The following COL19A1 variants were observed in gnomAD, a reference collection of about 807,000 sequenced individuals.
COL19A1 encodes collagen alpha-1(XIX) chain.
COL19A1 carries 159 observed loss-of-function variants against 190.2 expected under a neutral mutation model. The observed-to-expected ratio is 0.84, with a 90% CI of 0.73 to 0.95. The LOEUF (loss-of-function observed/expected upper bound fraction) is 0.95. Ranked by LOEUF, COL19A1 falls within the 40% of genes least tolerant of loss-of-function variation. The pLI is 0.00. For synonymous variants in COL19A1, 509 were observed against 458.9 expected, an observed-to-expected ratio of 1.11 and a Z score of -1.39; for missense variants, 1,418 against 1,431.9, an observed-to-expected ratio of 0.99 and a Z score of 0.16.
intron 11 of COL19A1, among the ~76,000 whole-genome samples, chr6:69,974,818 T>A (rs2150058627): frequency 7.1e-6 from 1 of 141,738 alleles, no homozygotes; most frequent in Non-Finnish European, 1.5e-5. Context: ...TTTTTTTTTT[T>A]TTTTTTTTTT....
At chr6:70,038,237 T>G (rs186135428) in intron 14 of COL19A1, among the ~76,000 whole-genome samples, 2 of 152,222 alleles carry the variant, frequency 1.3e-5, no homozygotes, top group African/African-American at 4.8e-5. Flanking sequence ...CAAAACTAGC[T>G]CCACGCTAAA....
intron 14 of COL19A1, among the ~76,000 whole-genome samples, chr6:70,049,675 T>A (rs1488522838): frequency 6.6e-6 from 1 of 152,010 alleles, no homozygotes; most frequent in African/African-American, 2.4e-5. Flanking sequence ...TTCCTAAAAG[T>A]GCTATGCATT....
intron 9 of COL19A1, among the ~76,000 whole-genome samples, chr6:69,952,001 T>G (rs1774154009): frequency 1.3e-5 from 2 of 151,878 alleles, no homozygotes; most frequent in Admixed American, 1.3e-4. Context: ...TTTGTTTGCC[T>G]GCCAGTTTAG....
intron 17 of COL19A1, among the ~76,000 whole-genome samples, chr6:70,129,718 G>A (rs6929338): frequency 0.019 from 2,826 of 152,280 alleles, 88 homozygotes; most frequent in African/African-American, 0.065. Context: ...TAAAATAAGT[G>A]GTGCCTGAGA....
chr6:70,026,169 A>T (rs1778722669), intron 12 of COL19A1, among the ~76,000 whole-genome samples: 1 of 152,252 alleles, frequency 6.6e-6, no homozygotes, highest in Non-Finnish European at 1.5e-5. Flanking sequence ...AACCTGAAAT[A>T]TATTCACATT....
rs3805975 is a variant in COL19A1, at chr6:69,966,934, A to G, written c.1026+4064A>G. The stretch of plus-strand genomic sequence containing the variant: ...GAAAAGAAACAGCAAATAGACAATG[A>G]AATGTAAACATCTGCCTCATTATAC... On this transcript the variant is annotated intron_variant, in intron 11 of 50. Coordinates refer to ENST00000620364, the MANE Select transcript of COL19A1 (RefSeq NM_001858.6). 5.5e-3 allele frequency among the ~76,000 whole-genome samples: 837 copies of G among 152,312 alleles called. 19 individuals are homozygous for G. The East Asian group carries it at 0.069, about 12-fold the overall frequency.
At chr6:69,960,623 CTTTTTT>C (rs35552190) in intron 10 of COL19A1, among the ~76,000 whole-genome samples, 1 of 109,858 alleles carries the variant, frequency 9.1e-6, no homozygotes, top group Admixed American at 1.0e-4. Context: ...TGTGCCCCCA[CTTTTTT>C]TTTTTTTTTT....
At chr6:69,990,697 G>T (rs980499484) in intron 11 of COL19A1, among the ~76,000 whole-genome samples, 2 of 151,976 alleles carry the variant, frequency 1.3e-5, no homozygotes, top group African/African-American at 4.8e-5. Context: ...GATCAGTTTA[G>T]GTGTGATGTT....
intron 2 of COL19A1, 27 bp from the exon 3 acceptor site, chr6:69,898,921 C>T: frequency 7.1e-7 from 1 of 1,417,130 alleles, no homozygotes; most frequent in Non-Finnish European, 9.9e-7. Flanking sequence ...AATGCAAATC[C>T]TCTATGCTTT....
At chr6:69,868,824 A>AT (rs1767641884) in intron 1 of COL19A1, among the ~76,000 whole-genome samples, 2 of 152,200 alleles carry the variant, frequency 1.3e-5, no homozygotes, top group Non-Finnish European at 2.9e-5. Context: ...TCCTGCTGCA[A>AT]TTTTAGTTTA....
chr6:69,976,157 A>C (rs545633996), intron 11 of COL19A1, among the ~76,000 whole-genome samples: 1 of 152,290 alleles, frequency 6.6e-6, no homozygotes, highest in South Asian at 2.1e-4. Flanking sequence ...TTCCTTCTCC[A>C]AGATTCTCAG....
chr6:69,951,237 T>G (rs1192689678), intron 9 of COL19A1, among the ~76,000 whole-genome samples: 1 of 151,916 alleles, frequency 6.6e-6, no homozygotes, highest in African/African-American at 2.4e-5. Context: ...AGCATGACAC[T>G]TGGTCTCTCT....
At chr6:69,950,016 G>A (rs1582497780) in intron 9 of COL19A1, among the ~76,000 whole-genome samples, 1 of 151,832 alleles carries the variant, frequency 6.6e-6, no homozygotes. Context: ...ATTCTGAGCA[G>A]TATGAAGTAT....
At chr6:69,966,666 G>A (rs1171148194) in intron 11 of COL19A1, among the ~76,000 whole-genome samples, 1 of 151,748 alleles carries the variant, frequency 6.6e-6, no homozygotes, top group African/African-American at 2.4e-5. Context: ...AGGAAAACCA[G>A]AGACCTTTGT....
At chr6:69,946,825 G>C (rs1773844971) in intron 9 of COL19A1, among the ~76,000 whole-genome samples, 1 of 151,798 alleles carries the variant, frequency 6.6e-6, no homozygotes, top group Admixed American at 6.6e-5. Context: ...GTATCAGATA[G>C]GATAGGAAAA....
At chr6:70,066,180 C>G (rs1394402663) in intron 14 of COL19A1, among the ~76,000 whole-genome samples, 1 of 152,092 alleles carries the variant, frequency 6.6e-6, no homozygotes, top group African/African-American at 2.4e-5. Context: ...CTCACAATAG[C>G]AAAGACTTGG....
At chr6:69,898,719 C>A (rs1173600008) in intron 2 of COL19A1, among the ~76,000 whole-genome samples, 1 of 152,152 alleles carries the variant, frequency 6.6e-6, no homozygotes, top group Non-Finnish European at 1.5e-5. Flanking sequence ...TAATGGCTAA[C>A]ACTAACAAGT....
Position 70,176,565 on chromosome 6 carries a change from G to A in COL19A1, c.2667+1G>A. The stretch of plus-strand genomic sequence containing the variant: ...TCCCCCAGGAATAGCAGGGATGTCG[G>A]TGAGTTCAGATTACTTCACATCATT... On this transcript the variant is annotated splice_donor_variant, in intron 42 of 50. Transcript: ENST00000620364. LOFTEE classifies it high-confidence loss of function. 6.2e-7 allele frequency: 1 copy of A among 1,613,238 alleles called. No individual in the cohort carries two copies. The highest frequency in any genetic ancestry group is 8.5e-7 in the Non-Finnish European group (1 of 1,179,598).
intron 9 of COL19A1, among the ~76,000 whole-genome samples, chr6:69,940,291 A>C (rs559938638): frequency 6.5e-4 from 99 of 152,104 alleles, no homozygotes; most frequent in African/African-American, 2.3e-3. Context: ...TTATTCATTC[A>C]TCCATCAACA....
Sources: gnomAD v4.1 joint callset for allele counts (sites outside exome capture counted in the v4.1 genomes callset) on GRCh38, gnomAD v4.1.1 for gene constraint, MANE v1.5 for transcripts, NCBI Gene and HGNC (gene_info 2026-07-23, HGNC 2026-07-21) for gene names.